Variants in NPHP4 observed in about 807,000 individuals in gnomAD.
NPHP4 encodes nephrocystin-4.
NPHP4 carries 151 observed loss-of-function variants against 155.8 expected under a neutral mutation model. That is an observed-to-expected ratio of 0.97 (90% CI 0.85 to 1.11). The LOEUF (loss-of-function observed/expected upper bound fraction) is 1.11. Ranked by LOEUF, NPHP4 falls within the 50% of genes least tolerant of loss-of-function variation. The probability of loss-of-function intolerance (pLI) is 0.00; values close to 1 mark genes in which losing one functional copy is unlikely to be tolerated. For missense variants in NPHP4, 1,956 were observed against 1,925.7 expected, an observed-to-expected ratio of 1.02 and a Z score of -0.29; for synonymous variants, 845 against 816.8, an observed-to-expected ratio of 1.03 and a Z score of -0.59.
rs184302386 is a variant in NPHP4 at position 5,913,213 on chromosome 1, G to A, written c.1442-4000C>T. Among the ~76,000 whole-genome samples the A allele has an allele frequency of 2.7e-3, 406 of 150,474 alleles. 8 individuals are homozygous for A. The highest frequency in any genetic ancestry group is 0.025 in the Admixed American group (383 of 15,150). On this transcript the variant is annotated intron_variant, in intron 11 of 29. Coordinates refer to ENST00000378156, the MANE Select transcript of NPHP4 (RefSeq NM_015102.5). ...CTTCCACGGCTGCTCCAAGAAGCTC[G>A]TGGCCAGCGGGGCCCTGAGATGGGG...
At position 5,863,416 on chromosome 1, in the gene NPHP4, G is replaced by A. The variant is rs139203183; in HGVS notation, c.4141-11C>T. ...CTCTCCACCCCCGACCTGGAAATAA[G>A]CATCCAAATCCCAGCATCCACCCCC... On this transcript the variant is annotated splice_polypyrimidine_tract_variant and intron_variant, in intron 29 of 29. Coordinates refer to ENST00000378156, the MANE Select transcript of NPHP4 (RefSeq NM_015102.5). The A allele has an allele frequency of 9.5e-4, 1,514 of 1,594,414 alleles. No homozygotes were observed. Among genetic ancestry groups the A allele is most frequent in the Non-Finnish European group, 1.2e-3 (1,424 of 1,168,460 alleles).
At chr1:5,943,948 G>A (rs1387801937) in intron 9 of NPHP4, among the ~76,000 whole-genome samples, 2 of 152,104 alleles carry the variant, frequency 1.3e-5, no homozygotes, top group African/African-American at 2.4e-5. Flanking sequence ...AGACATGAGC[G>A]ATAAATTGGG....
chr1:5,909,312 C>T (rs1238839148), intron 11 of NPHP4, 99 bp from the exon 12 acceptor site: 2 of 920,410 alleles, frequency 2.2e-6, no homozygotes, highest in East Asian at 2.6e-5. Context: ...CCACAGGCCT[C>T]ACCACCTTGT....
At chr1:5,976,684 C>A (rs1440143305) in intron 3 of NPHP4, among the ~76,000 whole-genome samples, 1 of 152,210 alleles carries the variant, frequency 6.6e-6, no homozygotes, top group South Asian at 2.1e-4. Context: ...CCTTAGCTGT[C>A]CAGACATACA....
Position 5,867,623 on chromosome 1 carries a change from G to T in NPHP4, c.3472+117C>A. 1 of 1,062,496 alleles carries T rather than the reference G, an allele frequency of 9.4e-7. No individual in the cohort carries two copies. Among genetic ancestry groups the T allele is most frequent in the Non-Finnish European group, 1.4e-6 (1 of 731,338 alleles). The allele number at this position is 1,062,496 out of a possible 1,614,324, so 65.8% of individuals were successfully genotyped here. On this transcript the variant is annotated intron_variant, in intron 24 of 29. Coordinates refer to ENST00000378156, the MANE Select transcript of NPHP4 (RefSeq NM_015102.5). This position sits in a 1 kb window ranked among gnomAD's most constrained non-coding sequence, Gnocchi z 4.1. ...AGAGAGAATTCCCCAGGCCCCACGT[G>T]CTGCTCTGACAGCACCAGGGCATGA...
chr1:5,869,055 GCA>G lies in NPHP4; in HGVS notation c.3316-1161_3316-1160del, dbSNP rs560793046. ...CATACATGCACACATGCCCCCACAC[GCA>G]CACACATGCATGCCCACATGCATGC... is the stretch of plus-strand genomic sequence containing the variant. On this transcript the variant is annotated intron_variant, in intron 23 of 29. Transcript: ENST00000378156. Among the ~76,000 whole-genome samples, 60 of 94,910 alleles carry G rather than the reference GCA, an allele frequency of 6.3e-4. No individual in the cohort carries two copies. The South Asian group carries it at 0.012, about 20-fold the overall frequency. 62.3% of individuals were successfully genotyped at this position (94,910 alleles called of 152,430 possible). A position where few individuals can be genotyped will look rare whatever the true frequency, so the allele number is the denominator to read the frequency against.
intron 5 of NPHP4, among the ~76,000 whole-genome samples, chr1:5,963,292 C>T (rs943883471): frequency 4.0e-5 from 6 of 151,816 alleles, no homozygotes; most frequent in Non-Finnish European, 8.8e-5. Flanking sequence ...TGACTTGGGA[C>T]GCTGAGGCAG....
Position 5,895,787 on chromosome 1 carries a change from G to A in NPHP4, c.2144-4759C>T, listed in dbSNP as rs112683911. Among the ~76,000 whole-genome samples, 500 of 152,288 alleles carry A rather than the reference G, an allele frequency of 3.3e-3. 3 individuals carry two copies. Among genetic ancestry groups the A allele is most frequent in the African/African-American group, 0.011 (470 of 41,560 alleles). On this transcript the variant is annotated intron_variant, in intron 16 of 29. Transcript: ENST00000378156. ...GCGAAATACTAGAAATGACACAAACGTCTATTAGGAGACCGGCTGAATAAA... is the reference window on the plus strand; with the variant it reads ...GCGAAATACTAGAAATGACACAAACATCTATTAGGAGACCGGCTGAATAAA...
chr1:5,962,725 GA>G (rs147570323), intron 5 of NPHP4, among the ~76,000 whole-genome samples: 159 of 152,326 alleles, frequency 1.0e-3, no homozygotes, highest in African/African-American at 3.7e-3. Context: ...GGAACGTGAG[GA>G]GGAAAAAGGG....
At position 5,867,110 on chromosome 1, in the gene NPHP4, G is replaced by A. The variant is rs754243646; in HGVS notation, c.3478C>T (p.Pro1160Ser). ...LPPWHTFPGA[P>S]VGMLGEDPPV... ...GGGTCCTCACCAAGCATTCCCACCGGAGCACCTGGAGCAGGGGAAATGTCA... is the reference window on the plus strand; with the variant it reads ...GGGTCCTCACCAAGCATTCCCACCGAAGCACCTGGAGCAGGGGAAATGTCA... Residue 1160 changes from proline to serine, a missense_variant, in exon 25 of 30, where the codon CCG becomes TCG. Coordinates refer to ENST00000378156, the MANE Select transcript of NPHP4 (RefSeq NM_015102.5). The surrounding 1 kb of genome is among the most constrained non-coding windows in gnomAD (Gnocchi z 4.1). 1.2e-6 allele frequency: 2 copies of A among 1,610,636 alleles called. No homozygotes were observed. The highest frequency in any genetic ancestry group is 1.7e-6 in the Non-Finnish European group (2 of 1,178,398).
intron 23 of NPHP4, among the ~76,000 whole-genome samples, chr1:5,868,625 T>C (rs1002726652): frequency 2.1e-5 from 3 of 144,194 alleles, no homozygotes; most frequent in African/African-American, 7.8e-5. Flanking sequence ...TGCACACACA[T>C]GCAAACATGC....
intron 3 of NPHP4, among the ~76,000 whole-genome samples, chr1:5,975,995 G>T (rs1336274090): frequency 6.6e-6 from 1 of 152,224 alleles, no homozygotes. Context: ...TGAAGTCAGA[G>T]GGGTTGAGGG....
intron 9 of NPHP4, among the ~76,000 whole-genome samples, chr1:5,934,034 G>A (rs558382207): frequency 1.3e-5 from 2 of 152,332 alleles, no homozygotes; most frequent in East Asian, 1.9e-4. Context: ...CGGCTTGACT[G>A]AGTAAAGAGT....
intron 11 of NPHP4, among the ~76,000 whole-genome samples, chr1:5,913,879 G>A (rs1645316874): frequency 6.6e-6 from 1 of 152,148 alleles, no homozygotes; most frequent in Admixed American, 6.5e-5. Flanking sequence ...GCAGAGAACA[G>A]AAAAGAACAT....
chr1:5,963,815 G>T (rs1477796281), intron 5 of NPHP4, among the ~76,000 whole-genome samples: 2 of 151,086 alleles, frequency 1.3e-5, no homozygotes, highest in Non-Finnish European at 2.9e-5. Context: ...AGCCTCCCCA[G>T]TTGCTAGGAT....
At chr1:5,971,290 C>A (rs1209324284) in intron 3 of NPHP4, among the ~76,000 whole-genome samples, 2 of 152,258 alleles carry the variant, frequency 1.3e-5, no homozygotes, top group African/African-American at 4.8e-5. Flanking sequence ...CCCAGAGCTG[C>A]TTGTCTCAGC....
chr1:5,872,501 T>C (rs1471808001), intron 23 of NPHP4, among the ~76,000 whole-genome samples: 1 of 152,156 alleles, frequency 6.6e-6, no homozygotes, highest in Admixed American at 6.5e-5. Flanking sequence ...ATTCCTTAGA[T>C]CAAGGCAAAG....
chr1:5,958,734 C>T (rs947711273), intron 6 of NPHP4, among the ~76,000 whole-genome samples: 3 of 150,412 alleles, frequency 2.0e-5, no homozygotes, highest in African/African-American at 7.4e-5. Flanking sequence ...TGGCACATGC[C>T]TATAGTCCTT....
At chr1:5,982,030 CAA>C (rs1388301017) in intron 2 of NPHP4, among the ~76,000 whole-genome samples, 2 of 152,092 alleles carry the variant, frequency 1.3e-5, no homozygotes, top group African/African-American at 4.8e-5. Context: ...TGATAAAATT[CAA>C]CATTGTATTT....
Sources: gnomAD v4.1 joint callset for allele counts (sites outside exome capture counted in the v4.1 genomes callset) on GRCh38, gnomAD v4.1.1 for gene constraint, Gnocchi (gnomAD v3.1) non-coding constraint, MANE v1.5 for transcripts, NCBI Gene and HGNC (gene_info 2026-07-23, HGNC 2026-07-21) for gene names.